MEGF10: variants seen among roughly 807,000 people sequenced by gnomAD.
MEGF10 encodes the protein multiple epidermal growth factor-like domains protein 10.
In MEGF10, 86 loss-of-function variants were observed where a neutral mutation model predicts 147.5. The ratio of observed to expected loss-of-function variants is 0.58; its 90% confidence interval spans 0.49 to 0.70. The LOEUF is 0.70. MEGF10 is among the 30% of genes least tolerant of loss of function. The probability of loss-of-function intolerance (pLI) is 0.00; values close to 1 mark genes in which losing one functional copy is unlikely to be tolerated. For synonymous variants in MEGF10, 478 were observed against 525.5 expected (o/e 0.91, Z 1.24); for missense variants, 1,329 against 1,487.3 (o/e 0.89, Z 1.75).
chr5:127,255,778 T>C, the MEGF10 span, among the ~76,000 whole-genome samples: 12 of 152,220 alleles, frequency 7.9e-5, no homozygotes, highest in African/African-American at 2.7e-4. Context: ...TTTCTAGTCT[T>C]ACTGTCTTGC....
chr5:127,247,462 A>T, the MEGF10 span, among the ~76,000 whole-genome samples: 3 of 137,546 alleles, frequency 2.2e-5, no homozygotes, highest in South Asian at 2.3e-4. Context: ...GAAGAAGAAG[A>T]AGAAGAAGAA....
chr5:127,385,961 A>C (rs1420567046), intron 5 of MEGF10, among the ~76,000 whole-genome samples: 1 of 152,198 alleles, frequency 6.6e-6, no homozygotes, highest in Non-Finnish European at 1.5e-5. Context: ...TTAAAAAATC[A>C]TCTGGGCATG....
chr5:127,270,206 T>G, the MEGF10 span, among the ~76,000 whole-genome samples: 2 of 152,184 alleles, frequency 1.3e-5, no homozygotes, highest in Non-Finnish European at 2.9e-5. Context: ...AACATCATAA[T>G]GACAGGATCA....
chr5:127,392,987 G>C (rs1175172695), intron 5 of MEGF10, among the ~76,000 whole-genome samples: 4 of 152,216 alleles, frequency 2.6e-5, no homozygotes, highest in Middle Eastern at 3.2e-3. Flanking sequence ...ACTGAAACCA[G>C]AGGCTGAAAA....
At chr5:127,231,396 G>A in the MEGF10 span, among the ~76,000 whole-genome samples, 4 of 152,150 alleles carry the variant, frequency 2.6e-5, no homozygotes, top group Admixed American at 2.6e-4. Flanking sequence ...GGCATATTAG[G>A]GATGTGATGC....
the MEGF10 span, among the ~76,000 whole-genome samples, chr5:127,248,556 T>TA: frequency 3.3e-5 from 5 of 152,032 alleles, no homozygotes; most frequent in South Asian, 1.0e-3. Context: ...AATACCTAAC[T>TA]AAAAATACTA....
chr5:127,356,398 C>A (rs548384202), intron 4 of MEGF10, among the ~76,000 whole-genome samples: 2 of 152,150 alleles, frequency 1.3e-5, no homozygotes, highest in South Asian at 4.1e-4. Flanking sequence ...ATAACCAATT[C>A]TAAAAAAGGC....
intron 22 of MEGF10, 99 bp from the exon 23 acceptor site, chr5:127,454,467 G>GC: frequency 1.0e-6 from 1 of 1,000,112 alleles, no homozygotes; most frequent in Non-Finnish European, 1.5e-6. Context: ...CTGGTTGTTT[G>GC]CTGCAGTGGG....
intron 5 of MEGF10, among the ~76,000 whole-genome samples, chr5:127,379,937 T>C (rs1763186968): frequency 2.0e-5 from 3 of 152,150 alleles, no homozygotes; most frequent in Admixed American, 6.5e-5. Flanking sequence ...TTAGTCAGCC[T>C]AAGTGCCACC....
At chr5:127,392,541 T>G (rs1168390199) in intron 5 of MEGF10, among the ~76,000 whole-genome samples, 3 of 152,244 alleles carry the variant, frequency 2.0e-5, no homozygotes, top group Non-Finnish European at 4.4e-5. Context: ...TGCTTCAGAC[T>G]TGGTGTCTCT....
the MEGF10 span, among the ~76,000 whole-genome samples, chr5:127,247,662 G>T: frequency 5.9e-5 from 9 of 152,042 alleles, no homozygotes; most frequent in African/African-American, 1.2e-4. Context: ...AATTGGCAGT[G>T]TAGGATTAGA....
the MEGF10 span, among the ~76,000 whole-genome samples, chr5:127,245,259 A>G: frequency 6.6e-6 from 1 of 152,204 alleles, no homozygotes; most frequent in Non-Finnish European, 1.5e-5. Flanking sequence ...CAAAACAGAT[A>G]TATAGACCAA....
chr5:127,313,946 C>T (rs1387082902), intron 1 of MEGF10, among the ~76,000 whole-genome samples: 3 of 152,198 alleles, frequency 2.0e-5, no homozygotes, highest in East Asian at 1.9e-4. Context: ...GTTTTACTTT[C>T]GGTTCCATTG....
rs909363221 is a variant in MEGF10 at position 127,385,304 on chromosome 5, A to AT, written c.413-11216dup. On this transcript the variant is annotated intron_variant, in intron 5 of 24. Coordinates refer to ENST00000503335, the MANE Select transcript of MEGF10 (RefSeq NM_001256545.2). Reference sequence around the variant, plus strand: ...TCCTAATAAATACTTGATATTTATAATTTTTTTTTTTTGAAACAGAGTCTC... The same window carrying AT: ...TCCTAATAAATACTTGATATTTATAATTTTTTTTTTTTTGAAACAGAGTCTC... 8.8e-4 allele frequency among the ~76,000 whole-genome samples: 131 copies of AT among 148,286 alleles called. No homozygotes were observed. In the Middle Eastern group the frequency reaches 0.01, roughly 12 times the overall value.
At chr5:127,421,771 A>G (rs180947454) in intron 12 of MEGF10, among the ~76,000 whole-genome samples, 71 of 152,192 alleles carry the variant, frequency 4.7e-4, no homozygotes, top group Admixed American at 9.8e-4. Flanking sequence ...AGTACCATGT[A>G]TCTCGTTGGC....
chr5:127,400,758 C>T (rs1048654924), intron 7 of MEGF10, among the ~76,000 whole-genome samples: 73 of 152,148 alleles, frequency 4.8e-4, no homozygotes, highest in Non-Finnish European at 1.3e-4. Flanking sequence ...AGTCCCAGCA[C>T]GTGGACAGAT....
chr5:127,297,550 T>C (rs926948488), intron 1 of MEGF10, among the ~76,000 whole-genome samples: 3 of 152,120 alleles, frequency 2.0e-5, no homozygotes, highest in Admixed American at 1.3e-4. Flanking sequence ...GTGTGGGACC[T>C]TGAAGGAGAG....
At chr5:127,409,012 G>A (rs1337748123) in intron 8 of MEGF10, among the ~76,000 whole-genome samples, 1 of 152,112 alleles carries the variant, frequency 6.6e-6, no homozygotes, top group Non-Finnish European at 1.5e-5. Flanking sequence ...AGGAGTTCGA[G>A]GTTACAGTGA....
At position 127,455,408 on chromosome 5, in the gene MEGF10, A is replaced by T. The variant is rs745591064; in HGVS notation, c.3033A>T (p.Gly1011=). 72 of 1,613,718 alleles carry T rather than the reference A, an allele frequency of 4.5e-5. No individual in the cohort carries two copies. The Middle Eastern group carries it at 4.9e-4, about 11-fold the overall frequency. ...TCTCATTTCTCTTCACAGACCTGGGAAAGAATTCTGAATATAATTCAAGTA... is the reference window on the plus strand; with the variant it reads ...TCTCATTTCTCTTCACAGACCTGGGTAAGAATTCTGAATATAATTCAAGTA... ...SYMGKSLKDL[G]KNSEYNSSNC... The change falls in exon 24 of 25, where the codon GGA becomes GGT. Residue 1011 remains glycine (G), a synonymous_variant. Transcript: ENST00000503335.
Sources: gnomAD v4.1 joint callset for allele counts (sites outside exome capture counted in the v4.1 genomes callset) on GRCh38, gnomAD v4.1.1 for gene constraint, MANE v1.5 for transcripts, NCBI Gene and HGNC (gene_info 2026-07-23, HGNC 2026-07-21) for gene names.